Variants in SOX5 observed in about 807,000 individuals in gnomAD.
SOX5 encodes the protein SRY-box transcription factor 5.
SOX5 carries 9 observed loss-of-function variants against 92.0 expected under a neutral mutation model. That is an observed-to-expected ratio of 0.10 (90% CI 0.06 to 0.17). The LOEUF is 0.17. Among genes scored for constraint, SOX5 ranks in the 10% least tolerant of loss-of-function variants. The pLI is 1.00. For synonymous variants in SOX5, 344 were observed against 336.3 expected (o/e 1.02, Z -0.25); for missense variants, 642 against 944.5 (o/e 0.68, Z 4.20).
intron 1 of SOX5, among the ~76,000 whole-genome samples, chr12:23,927,798 A>G: frequency 6.6e-6 from 1 of 152,042 alleles, no homozygotes; most frequent in Non-Finnish European, 1.5e-5. Flanking sequence ...TTACACTTTG[A>G]TGATCACGAG....
At chr12:24,534,607 A>G (rs1951475765) in intron 1 of SOX5, among the ~76,000 whole-genome samples, 1 of 152,214 alleles carries the variant, frequency 6.6e-6, no homozygotes, top group Non-Finnish European at 1.5e-5. Context: ...AAAGCATAAC[A>G]TCTATTATCC....
chr12:23,941,547 G>T (rs1943640057), intron 1 of SOX5, among the ~76,000 whole-genome samples: 1 of 151,440 alleles, frequency 6.6e-6, no homozygotes, highest in South Asian at 2.1e-4. Context: ...GAAAACAGAA[G>T]TTCTACTCTC....
At chr12:24,093,239 C>T (rs928011591) in intron 4 of SOX5, among the ~76,000 whole-genome samples, 1 of 151,930 alleles carries the variant, frequency 6.6e-6, no homozygotes, top group African/African-American at 2.4e-5. Context: ...ACCTTCAAAG[C>T]GGCTGGGCGC....
At chr12:23,615,887 T>G (rs2076498159) in intron 8 of SOX5, among the ~76,000 whole-genome samples, 1 of 152,228 alleles carries the variant, frequency 6.6e-6, no homozygotes, top group Admixed American at 6.5e-5. Flanking sequence ...TCAGAGAGAC[T>G]GTGCAAGAGT....
At chr12:24,401,708 T>TTAAAAAAAAAAAA (rs1566077419) in intron 1 of SOX5, among the ~76,000 whole-genome samples, 1 of 99,462 alleles carries the variant, frequency 1.0e-5, no homozygotes, top group African/African-American at 3.9e-5. Context: ...ACCCTATCTT[T>TTAAAAAAAAAAAA]AAAAAAAAAA....
intron 3 of SOX5, among the ~76,000 whole-genome samples, chr12:24,228,870 C>A (rs549711719): frequency 2.0e-5 from 3 of 152,180 alleles, no homozygotes; most frequent in Admixed American, 1.3e-4. Flanking sequence ...GTGCCTCTCA[C>A]CCCTGGCCTT....
chr12:24,138,635 A>G lies in SOX5; in HGVS notation c.-2+74708T>C, dbSNP rs146668448. Among the ~76,000 whole-genome samples the G allele has an allele frequency of 2.8e-3, 420 of 152,360 alleles. 2 individuals are homozygous for G. The highest frequency in any genetic ancestry group is 9.4e-3 in the African/African-American group (389 of 41,592). ...GGGGAAAATGTTTGCAAGTCAGGTA[A>G]GAAAATACACGTTTTTCATTTTAAG... On this transcript the variant is annotated intron_variant, in intron 4 of 4. Coordinates refer to the SOX5 transcript ENST00000446891.
At chr12:23,897,628 A>C (rs2097190595) in intron 1 of SOX5, among the ~76,000 whole-genome samples, 1 of 152,178 alleles carries the variant, frequency 6.6e-6, no homozygotes, top group African/African-American at 2.4e-5. Flanking sequence ...CCCTCAAAAA[A>C]CAAAAACACT....
At chr12:24,251,597 G>T (rs1940070038) in intron 3 of SOX5, among the ~76,000 whole-genome samples, 1 of 147,888 alleles carries the variant, frequency 6.8e-6, no homozygotes, top group Admixed American at 6.8e-5. Flanking sequence ...TTCAGATGAA[G>T]TCTCACTTTT....
chr12:24,202,452 A>C (rs1957615899), intron 4 of SOX5, among the ~76,000 whole-genome samples: 1 of 152,238 alleles, frequency 6.6e-6, no homozygotes, highest in African/African-American at 2.4e-5. Context: ...TAGAACCAAT[A>C]ATACAATCAT....
chr12:24,338,534 A>C (rs2141044660), intron 2 of SOX5, among the ~76,000 whole-genome samples: 1 of 152,312 alleles, frequency 6.6e-6, no homozygotes, highest in South Asian at 2.1e-4. Flanking sequence ...GTGTTTGTAC[A>C]TCAGGTTGTA....
At chr12:23,974,013 G>C (rs994630770) in intron 4 of SOX5, among the ~76,000 whole-genome samples, 1 of 151,962 alleles carries the variant, frequency 6.6e-6, no homozygotes, top group African/African-American at 2.4e-5. Context: ...GGGGACTGTT[G>C]CTGTATATGC....
chr12:24,301,918 A>G (rs1947999917), intron 2 of SOX5, among the ~76,000 whole-genome samples: 1 of 152,296 alleles, frequency 6.6e-6, no homozygotes, highest in Non-Finnish European at 1.5e-5. Context: ...AGTTCTGATG[A>G]GACAAGAAGT....
At chr12:23,559,491 A>T (rs1029624268) in intron 11 of SOX5, among the ~76,000 whole-genome samples, 1 of 152,212 alleles carries the variant, frequency 6.6e-6, no homozygotes, top group Non-Finnish European at 1.5e-5. Context: ...GTTAAAAAAA[A>T]ATCTCTTAGA....
At chr12:24,352,871 A>T (rs1216592574) in intron 2 of SOX5, among the ~76,000 whole-genome samples, 1 of 152,186 alleles carries the variant, frequency 6.6e-6, no homozygotes, top group Non-Finnish European at 1.5e-5. Flanking sequence ...TGAAAGACAG[A>T]CTATGGAATA....
chr12:23,703,972 A>G (rs1433732851), intron 6 of SOX5, among the ~76,000 whole-genome samples: 1 of 152,018 alleles, frequency 6.6e-6, no homozygotes, highest in Non-Finnish European at 1.5e-5. Context: ...TTGGCAATGC[A>G]GTTAGAAATA....
chr12:23,708,461 G>C (rs935845452), intron 6 of SOX5, among the ~76,000 whole-genome samples: 1 of 152,118 alleles, frequency 6.6e-6, no homozygotes, highest in Non-Finnish European at 1.5e-5. Flanking sequence ...AATTGAAGAG[G>C]GTCTTCAGTG....
intron 11 of SOX5, among the ~76,000 whole-genome samples, chr12:23,560,155 C>G (rs781360710): frequency 2.6e-5 from 4 of 152,118 alleles, no homozygotes; most frequent in Non-Finnish European, 4.4e-5. Flanking sequence ...GTGATCCCCC[C>G]GCCTCGGCCT....
intron 1 of SOX5, among the ~76,000 whole-genome samples, chr12:24,539,534 C>T (rs1301779909): frequency 1.3e-5 from 2 of 152,066 alleles, no homozygotes; most frequent in Admixed American, 1.3e-4. Flanking sequence ...AAAATATAGA[C>T]ATTTGATCCC....
Sources: allele counts gnomAD v4.1 joint callset (sites outside exome capture counted in the v4.1 genomes callset), GRCh38; gene constraint gnomAD v4.1.1; transcripts MANE v1.5; gene names NCBI Gene and HGNC (gene_info 2026-07-23, HGNC 2026-07-21).